Variants in CACNA1D observed in about 807,000 individuals in gnomAD.
CACNA1D encodes calcium voltage-gated channel subunit alpha1 D, also known as voltage-dependent L-type calcium channel subunit alpha-1D.
A neutral mutation model predicts 257.1 loss-of-function variants in CACNA1D; 55 were observed. The observed-to-expected ratio is 0.21, with a 90% CI of 0.17 to 0.27. CACNA1D has a LOEUF of 0.27. CACNA1D is among the 10% of genes least tolerant of loss of function. The pLI is 1.00. For synonymous variants in CACNA1D, 980 were observed against 1,014.9 expected, an observed-to-expected ratio of 0.97 and a Z score of 0.65; for missense variants, 1,876 against 2,784.0, an observed-to-expected ratio of 0.67 and a Z score of 7.34.
intron 45 of CACNA1D, among the ~76,000 whole-genome samples, chr3:53,806,048 CCCT>C (rs1311661089): frequency 6.0e-5 from 8 of 134,152 alleles, no homozygotes; most frequent in African/African-American, 1.7e-4. Context: ...CCCTCATGTT[CCCT>C]CCTCCTCCTC....
chr3:53,790,950 G>A (rs2095479625), intron 40 of CACNA1D: 1 of 702,238 alleles, frequency 1.4e-6, no homozygotes, highest in South Asian at 1.5e-5. Flanking sequence ...GCTAACAGAT[G>A]AGATTTCACT....
intron 4 of CACNA1D, among the ~76,000 whole-genome samples, chr3:53,654,589 T>TC (rs1193034408): frequency 6.6e-6 from 1 of 152,122 alleles, no homozygotes; most frequent in Non-Finnish European, 1.5e-5. Context: ...AGCCTTTTTT[T>TC]CCCCCACCAT....
intron 3 of CACNA1D, among the ~76,000 whole-genome samples, chr3:53,645,445 T>C (rs1412170601): frequency 6.6e-6 from 1 of 152,226 alleles, no homozygotes; most frequent in African/African-American, 2.4e-5. Context: ...TTTCACTGTT[T>C]TAGGTCTTAA....
intron 3 of CACNA1D, among the ~76,000 whole-genome samples, chr3:53,562,601 A>G (rs2092759824): frequency 6.6e-6 from 1 of 152,184 alleles, no homozygotes; most frequent in African/African-American, 2.4e-5. Context: ...AAATTTAAAA[A>G]GCTATATGTA....
chr3:53,675,393 T>C (rs1277904930), intron 8 of CACNA1D, among the ~76,000 whole-genome samples: 1 of 152,236 alleles, frequency 6.6e-6, no homozygotes, highest in Non-Finnish European at 1.5e-5. Flanking sequence ...AGGAGCTTTC[T>C]ATACAAGGTT....
chr3:53,620,350 G>A (rs2093682923), intron 3 of CACNA1D, among the ~76,000 whole-genome samples: 1 of 152,300 alleles, frequency 6.6e-6, no homozygotes, highest in South Asian at 2.1e-4. Flanking sequence ...GAGTGCAGTG[G>A]TGTGATCATA....
intron 37 of CACNA1D, 148 bp downstream of exon 37, chr3:53,777,104 C>G: frequency 1.4e-6 from 1 of 717,690 alleles, no homozygotes; most frequent in Non-Finnish European, 2.5e-6. Flanking sequence ...CTGGGGAAAT[C>G]TCAGATTTGT....
intron 3 of CACNA1D, among the ~76,000 whole-genome samples, chr3:53,510,817 A>G (rs2091074729): frequency 6.6e-6 from 1 of 152,168 alleles, no homozygotes. Flanking sequence ...ATCTGGTTAG[A>G]GTAGAAAGTC....
At chr3:53,745,602 C>G (rs376510141) in intron 23 of CACNA1D, 22 bp from the exon 24 acceptor site, 2 of 1,528,150 alleles carry the variant, frequency 1.3e-6, no homozygotes, top group Admixed American at 1.7e-5. Context: ...AGAAGAGTCA[C>G]GCCCCTCTGC....
intron 9 of CACNA1D, chr3:53,710,543 G>T (rs2094742473): frequency 2.2e-6 from 1 of 453,690 alleles, no homozygotes; most frequent in Non-Finnish European, 4.5e-6. Context: ...TTGCACATAG[G>T]CATTGTGTGA....
At chr3:53,775,855 C>T (rs773856014) in intron 34 of CACNA1D, 31 bp from the exon 35 acceptor site, 1 of 1,611,636 alleles carries the variant, frequency 6.2e-7, no homozygotes, top group South Asian at 1.1e-5. Context: ...CTTTCCCCCA[C>T]TAAAGCCCCT....
intron 16 of CACNA1D, 116 bp downstream of exon 16, chr3:53,730,672 C>A: frequency 1.3e-6 from 1 of 791,150 alleles, no homozygotes; most frequent in Non-Finnish European, 2.2e-6. Flanking sequence ...CGGGTTGCTG[C>A]TTTGTGGATC....
At chr3:53,573,871 A>G (rs762527858) in intron 3 of CACNA1D, among the ~76,000 whole-genome samples, 11 of 152,228 alleles carry the variant, frequency 7.2e-5, no homozygotes, top group Non-Finnish European at 1.5e-4. Context: ...AAATTTTAAG[A>G]GCACAGTTCA....
chr3:53,561,477 A>G (rs2092737723), intron 3 of CACNA1D, among the ~76,000 whole-genome samples: 1 of 152,126 alleles, frequency 6.6e-6, no homozygotes, highest in African/African-American at 2.4e-5. Flanking sequence ...GAGCATCCTA[A>G]TCACAGACAG....
chr3:53,547,101 C>T (rs759312620), intron 3 of CACNA1D, among the ~76,000 whole-genome samples: 9 of 152,244 alleles, frequency 5.9e-5, no homozygotes, highest in Middle Eastern at 3.4e-3. Context: ...TGTTGAGTGA[C>T]GTGTCCAGGA....
At chr3:53,591,090 G>A (rs753665416) in intron 3 of CACNA1D, among the ~76,000 whole-genome samples, 2 of 152,082 alleles carry the variant, frequency 1.3e-5, no homozygotes, top group African/African-American at 2.4e-5. Context: ...GCCTCTAAGC[G>A]ACACTACACT....
intron 22 of CACNA1D, among the ~76,000 whole-genome samples, chr3:53,744,245 C>T (rs1182703016): frequency 6.6e-6 from 1 of 151,824 alleles, no homozygotes; most frequent in Non-Finnish European, 1.5e-5. Flanking sequence ...GCCCCACCCC[C>T]ACAGGTTGTG....
At chr3:53,577,311 C>G (rs746146452) in intron 3 of CACNA1D, among the ~76,000 whole-genome samples, 19 of 152,092 alleles carry the variant, frequency 1.2e-4, no homozygotes, top group Non-Finnish European at 2.6e-4. Flanking sequence ...AGGTGGTGCT[C>G]GATTCCAGGG....
chr3:53,502,546 T>C (rs543500208), intron 3 of CACNA1D, among the ~76,000 whole-genome samples: 2 of 151,386 alleles, frequency 1.3e-5, no homozygotes, highest in African/African-American at 2.4e-5. Context: ...AAGGTTGATA[T>C]AGTTTTTTTT....
Sources: allele counts gnomAD v4.1 joint callset (sites outside exome capture counted in the v4.1 genomes callset), GRCh38; gene constraint gnomAD v4.1.1; transcripts MANE v1.5; gene names NCBI Gene and HGNC (gene_info 2026-07-23, HGNC 2026-07-21).